SLC35F3: variants seen among roughly 807,000 people sequenced by gnomAD.
The protein encoded by SLC35F3 is solute carrier family 35 member F3.
Under a neutral mutation model 49.9 loss-of-function variants are expected in SLC35F3, and 25 were observed. That is an observed-to-expected ratio of 0.50 (90% CI 0.37 to 0.70). The LOEUF is 0.70. Ranked by LOEUF, SLC35F3 falls within the 30% of genes least tolerant of loss-of-function variation. The pLI, the probability that SLC35F3 is intolerant of heterozygous loss-of-function variation, is 0.00. For missense variants in SLC35F3, 525 were observed against 639.8 expected (o/e 0.82, Z 1.94); for synonymous variants, 275 against 265.4 (o/e 1.04, Z -0.35).
At position 234,135,952 on chromosome 1, in the gene SLC35F3, C is replaced by T. The variant is rs574879303; in HGVS notation, c.284-95465C>T. Among the ~76,000 whole-genome samples, 42 of 152,254 alleles carry T rather than the reference C, an allele frequency of 2.8e-4. No homozygotes were observed. The South Asian group carries it at 2.9e-3, about 11-fold the overall frequency. On this transcript the variant is annotated intron_variant, in intron 2 of 7. Transcript: ENST00000366618. ...CCGCTGTGTTAACTCTTTTCTGCAC[C>T]GTGCCATATACCAAGGGCCGGATCA...
chr1:234,198,256 A>T (rs990914184), intron 2 of SLC35F3, among the ~76,000 whole-genome samples: 13 of 152,352 alleles, frequency 8.5e-5, no homozygotes, highest in African/African-American at 3.1e-4. Context: ...TTTCTTGACA[A>T]AGATGAAACA....
In SLC35F3 at chr1:234,147,230, CTT is replaced by C. The variant is rs201359916; in HGVS notation, c.284-84172_284-84171del. ...TTACATAGTTTGCCCTTTCTATTTT[CTT>C]TTTTTTTTTTTTTTGTCCTGTTGGA... On this transcript the variant is annotated intron_variant, in intron 2 of 7. Transcript: ENST00000366618. Among the ~76,000 whole-genome samples, 669 of 125,070 alleles carry C rather than the reference CTT, an allele frequency of 5.3e-3. 5 individuals are homozygous for C. Among genetic ancestry groups the C allele is most frequent in the African/African-American group, 0.016 (559 of 34,220 alleles). 82.1% of individuals were successfully genotyped at this position (125,070 alleles called of 152,430 possible). A position where few individuals can be genotyped will look rare whatever the true frequency, so the allele number is the denominator to read the frequency against.
chr1:234,176,504 G>C (rs562957285), intron 2 of SLC35F3, among the ~76,000 whole-genome samples: 6 of 152,278 alleles, frequency 3.9e-5, no homozygotes, highest in African/African-American at 1.4e-4. Context: ...TGTAGGACAA[G>C]CTGGTTCCTC....
At chr1:234,018,479 C>A (rs1663841577) in intron 2 of SLC35F3, among the ~76,000 whole-genome samples, 2 of 152,176 alleles carry the variant, frequency 1.3e-5, no homozygotes, top group African/African-American at 4.8e-5. Context: ...TCCTGCTTCT[C>A]CTTCCTTTTT....
At chr1:234,053,321 C>T (rs953243610) in intron 2 of SLC35F3, among the ~76,000 whole-genome samples, 4 of 152,206 alleles carry the variant, frequency 2.6e-5, no homozygotes, top group Middle Eastern at 3.4e-3. Context: ...TCTGGGTGCT[C>T]CTGTATTGGG....
At chr1:233,905,867 C>G in intron 2 of SLC35F3, 109 bp downstream of exon 2, 2 of 1,039,764 alleles carry the variant, frequency 1.9e-6, no homozygotes, top group Non-Finnish European at 2.8e-6. Flanking sequence ...CCCCTCCCGC[C>G]CTGCCTGCTG....
At chr1:234,133,957 C>T (rs1057102617) in intron 2 of SLC35F3, among the ~76,000 whole-genome samples, 7 of 152,020 alleles carry the variant, frequency 4.6e-5, no homozygotes, top group African/African-American at 1.7e-4. Flanking sequence ...CCACATGGCT[C>T]TAGTATAGAA....
rs148061145 is a variant in SLC35F3, at chr1:234,260,035, G to A, written c.608+28294G>A. On this transcript the variant is annotated intron_variant, in intron 3 of 7. Coordinates refer to ENST00000366618, the MANE Select transcript of SLC35F3 (RefSeq NM_173508.4). Reference sequence around the variant, plus strand: ...CTAAGCAAATGGATAGGGTAGGACAGGTGGGGAAAGGGTGTTTAACTTCTA... The same window carrying A: ...CTAAGCAAATGGATAGGGTAGGACAAGTGGGGAAAGGGTGTTTAACTTCTA... Among the ~76,000 whole-genome samples the A allele has an allele frequency of 3.7e-3, 561 of 152,210 alleles. 1 individual carries two copies. The highest frequency in any genetic ancestry group is 0.013 in the African/African-American group (520 of 41,524).
chr1:234,092,579 AG>A (rs1665060277), intron 2 of SLC35F3, among the ~76,000 whole-genome samples: 1 of 152,234 alleles, frequency 6.6e-6, no homozygotes, highest in Admixed American at 6.5e-5. Context: ...AAATGAATGT[AG>A]GAGGCTGGCT....
chr1:234,026,227 G>A (rs1281764290), intron 2 of SLC35F3, among the ~76,000 whole-genome samples: 2 of 152,196 alleles, frequency 1.3e-5, no homozygotes, highest in East Asian at 3.8e-4. Flanking sequence ...AAGTAGGGTA[G>A]TGTGATGCCT....
chr1:233,968,676 G>A (rs536302532), intron 2 of SLC35F3, among the ~76,000 whole-genome samples: 1 of 151,994 alleles, frequency 6.6e-6, no homozygotes, highest in East Asian at 1.9e-4. Context: ...GTAAACACGG[G>A]GTTTCACCAT....
intron 2 of SLC35F3, among the ~76,000 whole-genome samples, chr1:234,125,928 A>T (rs866970946): frequency 6.6e-6 from 1 of 152,190 alleles, no homozygotes; most frequent in African/African-American, 2.4e-5. Context: ...GATGAAGAAC[A>T]GTCTCTGCAG....
intron 2 of SLC35F3, among the ~76,000 whole-genome samples, chr1:234,175,721 G>A (rs1215270891): frequency 6.6e-6 from 1 of 151,020 alleles, no homozygotes; most frequent in Non-Finnish European, 1.5e-5. Flanking sequence ...CTGAAGGACT[G>A]TCTATGGTTT....
chr1:234,115,750 A>T (rs569916611), intron 2 of SLC35F3, among the ~76,000 whole-genome samples: 1 of 152,326 alleles, frequency 6.6e-6, no homozygotes, highest in African/African-American at 2.4e-5. Context: ...ACCTCGAAAT[A>T]TCTCAGTGTG....
chr1:234,112,403 T>A (rs1352810798), intron 2 of SLC35F3, among the ~76,000 whole-genome samples: 2 of 152,128 alleles, frequency 1.3e-5, no homozygotes, highest in African/African-American at 4.8e-5. Flanking sequence ...CCTATAACAA[T>A]GCACAGAACA....
At chr1:234,045,470 C>T (rs1473518407) in intron 2 of SLC35F3, among the ~76,000 whole-genome samples, 1 of 152,122 alleles carries the variant, frequency 6.6e-6, no homozygotes, top group African/African-American at 2.4e-5. Context: ...ATAGTCCTTG[C>T]TTTGCAGGTG....
chr1:234,098,058 ATGG>A (rs1423187017), intron 2 of SLC35F3, among the ~76,000 whole-genome samples: 172 of 138,454 alleles, frequency 1.2e-3, no homozygotes, highest in Non-Finnish European at 2.3e-3. Flanking sequence ...GGCAGTTCAG[ATGG>A]TGGTGGTAGT....
intron 2 of SLC35F3, among the ~76,000 whole-genome samples, chr1:234,111,443 C>T (rs1665404295): frequency 6.6e-6 from 1 of 152,196 alleles, no homozygotes. Context: ...AAGTGTGCAC[C>T]ACCATGCCTG....
At chr1:234,006,767 T>TAG (rs1663636770) in intron 2 of SLC35F3, among the ~76,000 whole-genome samples, 1 of 151,940 alleles carries the variant, frequency 6.6e-6, no homozygotes, top group Non-Finnish European at 1.5e-5. Context: ...GCATGAGGAG[T>TAG]AGAGGCCTGG....
Sources: allele counts gnomAD v4.1 joint callset (sites outside exome capture counted in the v4.1 genomes callset), GRCh38; gene constraint gnomAD v4.1.1; transcripts MANE v1.5; gene names NCBI Gene and HGNC (gene_info 2026-07-23, HGNC 2026-07-21).